BIRC6: variants seen among roughly 807,000 people sequenced by gnomAD.
BIRC6 encodes dual E2 ubiquitin-conjugating enzyme/E3 ubiquitin-protein ligase BIRC6.
Under a neutral mutation model 503.3 loss-of-function variants are expected in BIRC6, and 98 were observed. The ratio of observed to expected loss-of-function variants is 0.19; its 90% CI spans 0.17 to 0.23. The LOEUF is 0.23. BIRC6 is among the 10% of genes least tolerant of loss of function. The pLI is 1.00. For synonymous variants in BIRC6, 2,240 were observed against 2,078.7 expected, an observed-to-expected ratio of 1.08 and a Z score of -2.11; for missense variants, 5,360 against 5,806.0, an observed-to-expected ratio of 0.92 and a Z score of 2.50.
Position 32,471,106 on chromosome 2 carries a change from G to A in BIRC6, c.6574G>A (p.Ala2192Thr), listed in dbSNP as rs370558620. The A allele has an allele frequency of 1.3e-6, 2 of 1,573,404 alleles. No individual in the cohort carries two copies. Among genetic ancestry groups the A allele is most frequent in the African/African-American group, 2.7e-5 (2 of 74,428 alleles). ...AACTGTTGAAGATGAAGCAGCAGCT[G>A]CAAAGAAACCTTTGAATGGTAAAGA... is the stretch of plus-strand genomic sequence containing the variant. ...VATVEDEAAA[A>T]KKPLNGNQWS... Residue 2192 changes from alanine (A) to threonine (T), a missense_variant, in exon 32 of 74, where the codon GCA becomes ACA. Around this residue, in one of 16 missense-constraint regions of BIRC6, gnomAD observed 2,299 missense variants for 2,267.2 expected, o/e 1.01. Transcript: ENST00000421745.
intron 10 of BIRC6, among the ~76,000 whole-genome samples, chr2:32,418,641 A>C (rs1193632601): frequency 2.0e-5 from 3 of 152,258 alleles, no homozygotes; most frequent in African/African-American, 7.2e-5. Flanking sequence ...ACCCCGGTGC[A>C]CATCTTTATA....
chr2:32,466,955 T>A (rs1198040859), intron 26 of BIRC6, among the ~76,000 whole-genome samples: 1 of 151,946 alleles, frequency 6.6e-6, no homozygotes, highest in African/African-American at 2.4e-5. Flanking sequence ...CTGTCTCTAC[T>A]AAAACTACAA....
chr2:32,534,987 C>T (rs986637984), intron 61 of BIRC6, among the ~76,000 whole-genome samples: 4 of 150,990 alleles, frequency 2.6e-5, no homozygotes, highest in African/African-American at 9.7e-5. Flanking sequence ...ATATGCATGC[C>T]TGGAACTGTC....
chr2:32,555,333 C>G (rs968158811), intron 65 of BIRC6, among the ~76,000 whole-genome samples: 1 of 151,932 alleles, frequency 6.6e-6, no homozygotes, highest in Non-Finnish European at 1.5e-5. Flanking sequence ...CACAGTGAGA[C>G]TTCATCTCTA....
chr2:32,441,291 T>C, intron 16 of BIRC6, 38 bp from the exon 17 acceptor site: 1 of 1,348,074 alleles, frequency 7.4e-7, no homozygotes, highest in South Asian at 1.4e-5. Flanking sequence ...TTTAGTTTAG[T>C]TTATTTTTTA....
intron 45 of BIRC6, among the ~76,000 whole-genome samples, chr2:32,494,388 C>A (rs2052162300): frequency 6.6e-6 from 1 of 151,670 alleles, no homozygotes; most frequent in South Asian, 2.1e-4. Context: ...CCACCACACC[C>A]AGCTAATTTT....
rs987990632 is a variant in BIRC6 at position 32,488,185 on chromosome 2, TA to T, written c.7968+392del. 1.4e-3 allele frequency among the ~76,000 whole-genome samples: 206 copies of T among 151,352 alleles called. 1 individual carries two copies. Among genetic ancestry groups the T allele is most frequent in the Non-Finnish European group, 5.2e-4 (35 of 67,862 alleles). On this transcript the variant is annotated intron_variant, in intron 41 of 73. Transcript: ENST00000421745. ...ACACTAGATCCTGTCTCTAATAAAGTAAAAAAAATTAACCAGGTGCAGTAGC... is the reference window on the plus strand; with the variant it reads ...ACACTAGATCCTGTCTCTAATAAAGTAAAAAAATTAACCAGGTGCAGTAGC...
rs757728603 is a variant in BIRC6 at position 32,575,277 on chromosome 2, G to A, written c.13266G>A (p.Glu4422=). Residue 4422 remains glutamate, a synonymous_variant, in exon 66 of 74, where the codon GAG becomes GAA. Coordinates refer to ENST00000421745, the MANE Select transcript of BIRC6 (RefSeq NM_016252.4). ...LLPLSTENGE[E]EEEQSECQTS... ...CCCTTTCTACAGAGAACGGTGAAGA[G>A]GAAGAAGAACAGTCAGAATGTCAAA... 6.2e-7 allele frequency: 1 copy of A among 1,613,990 alleles called. No homozygotes were observed. The highest frequency in any genetic ancestry group is 8.5e-7 in the Non-Finnish European group (1 of 1,179,888).
intron 61 of BIRC6, among the ~76,000 whole-genome samples, chr2:32,535,800 T>C (rs1236936710): frequency 1.3e-5 from 2 of 152,266 alleles, no homozygotes; most frequent in Non-Finnish European, 2.9e-5. Flanking sequence ...GCATGATTTA[T>C]AATCCTTTGG....
At chr2:32,424,114 T>G (rs1222349456) in intron 10 of BIRC6, among the ~76,000 whole-genome samples, 1 of 152,224 alleles carries the variant, frequency 6.6e-6, no homozygotes, top group African/African-American at 2.4e-5. Context: ...TTCTAAGATT[T>G]ATGGTAAGAA....
chr2:32,587,672 C>T (rs527291960), intron 66 of BIRC6, among the ~76,000 whole-genome samples: 9 of 152,180 alleles, frequency 5.9e-5, no homozygotes, highest in Non-Finnish European at 1.2e-4. Flanking sequence ...TGCAGTGAGC[C>T]GAGATCACGC....
chr2:32,603,965 G>C (rs1196025629), intron 71 of BIRC6, among the ~76,000 whole-genome samples: 1 of 151,704 alleles, frequency 6.6e-6, no homozygotes, highest in Non-Finnish European at 1.5e-5. Flanking sequence ...CTTTAGCTTG[G>C]TATAAGTAAA....
intron 54 of BIRC6, 123 bp from the exon 55 acceptor site, chr2:32,514,864 TTTA>T (rs1345433586): frequency 1.7e-5 from 12 of 706,822 alleles, no homozygotes; most frequent in Non-Finnish European, 2.3e-5. Context: ...CTTACAATGT[TTTA>T]TTATTCAATG....
intron 61 of BIRC6, among the ~76,000 whole-genome samples, chr2:32,534,918 A>G (rs765734529): frequency 2.6e-5 from 4 of 151,642 alleles, no homozygotes; most frequent in African/African-American, 4.8e-5. Flanking sequence ...AAAATTTCCC[A>G]AATAGATGTA....
At position 32,519,343 on chromosome 2, in the gene BIRC6, G is replaced by A. The variant is rs181542319; in HGVS notation, c.11623+397G>A. Reference sequence around the variant, plus strand: ...CAGTGATCAAGACATAAATGGAGTAGGTAGAATTGACTGGTCACCTCATTG... The same window carrying A: ...CAGTGATCAAGACATAAATGGAGTAAGTAGAATTGACTGGTCACCTCATTG... On this transcript the variant is annotated intron_variant, in intron 57 of 73. Transcript: ENST00000421745. The A allele has an allele frequency of 7.3e-4, 130 of 178,408 alleles. 1 individual carries two copies. The highest frequency in any genetic ancestry group is 5.0e-3 in the Admixed American group (91 of 18,076). 11.1% of individuals were successfully genotyped at this position (178,408 alleles called of 1,614,324 possible).
In BIRC6 at chr2:32,357,476, C is replaced by T; in HGVS notation, c.315C>T (p.Ser105=). The T allele has an allele frequency of 1.3e-6, 2 of 1,548,986 alleles. No homozygotes were observed. The highest frequency in any genetic ancestry group is 1.7e-6 in the Non-Finnish European group (2 of 1,146,608). ...CCTCGGGGGCCACACTGCAGGCCTC[C>T]GCGCTCAGTGGTGAGTCTTCCGCAC... ...DGTSGATLQA[S]ALSAKPGGQV... Residue 105 remains serine, a synonymous_variant, in exon 1 of 74, where the codon TCC becomes TCT. Coordinates refer to ENST00000421745, the MANE Select transcript of BIRC6 (RefSeq NM_016252.4). The surrounding 1 kb of genome is among the most constrained non-coding windows in gnomAD (Gnocchi z 4.9).
intron 70 of BIRC6, 85 bp from the exon 71 acceptor site, chr2:32,602,921 A>G (rs1295145268): frequency 2.7e-6 from 3 of 1,092,662 alleles, no homozygotes; most frequent in African/African-American, 3.2e-5. Context: ...TTGACAGGAT[A>G]GCATTTTGTT....
intron 3 of BIRC6, 149 bp from the exon 4 acceptor site, chr2:32,388,601 A>G (rs1200089883): frequency 1.7e-6 from 1 of 591,028 alleles, no homozygotes; most frequent in Non-Finnish European, 2.7e-6. Flanking sequence ...TTTTTTTTAT[A>G]ACTGCAAGTT....
intron 33 of BIRC6, among the ~76,000 whole-genome samples, chr2:32,475,395 ATTG>A (rs998131729): frequency 3.9e-5 from 6 of 151,978 alleles, no homozygotes; most frequent in Non-Finnish European, 8.8e-5. Flanking sequence ...CTGTTTGTTC[ATTG>A]TTGTCGACTG....
Sources: allele counts gnomAD v4.1 joint callset (sites outside exome capture counted in the v4.1 genomes callset), GRCh38; gene constraint gnomAD v4.1.1; regional missense constraint gnomAD v4.1.1; non-coding constraint Gnocchi (gnomAD v3.1); transcripts MANE v1.5; gene names NCBI Gene and HGNC (gene_info 2026-07-23, HGNC 2026-07-21).